Variants in RHBDD1 observed in about 807,000 individuals in gnomAD.
RHBDD1 encodes rhomboid domain containing 1.
Under a neutral mutation model 36.3 loss-of-function variants are expected in RHBDD1, and 38 were observed. That is an observed-to-expected ratio of 1.05 (90% CI 0.81 to 1.37). RHBDD1 has a LOEUF of 1.37. RHBDD1 is among the 40% of genes most tolerant of loss of function. The pLI, the probability that RHBDD1 is intolerant of heterozygous loss-of-function variation, is 0.00. For missense variants in RHBDD1, 393 were observed against 377.6 expected, an observed-to-expected ratio of 1.04 and a Z score of -0.34; for synonymous variants, 151 against 136.5, an observed-to-expected ratio of 1.11 and a Z score of -0.74.
intron 3 of RHBDD1, among the ~76,000 whole-genome samples, chr2:226,854,520 G>C (rs1943129908): frequency 6.6e-6 from 1 of 151,632 alleles, no homozygotes. Context: ...CTTAAACCTG[G>C]GAGGCGGAGG....
At chr2:226,866,805 T>A (rs1277077652) in intron 4 of RHBDD1, among the ~76,000 whole-genome samples, 6 of 152,342 alleles carry the variant, frequency 3.9e-5, no homozygotes, top group African/African-American at 1.2e-4. Context: ...GTCTTCAACA[T>A]GTTTTTCCAT....
At chr2:226,810,728 G>A in the RHBDD1 span, among the ~76,000 whole-genome samples, 3 of 151,936 alleles carry the variant, frequency 2.0e-5, no homozygotes, top group Non-Finnish European at 2.9e-5. Flanking sequence ...GGAGGCAGAG[G>A]CATAAGAAAA....
chr2:226,890,664 T>C (rs1470047186), intron 5 of RHBDD1, among the ~76,000 whole-genome samples: 1 of 152,232 alleles, frequency 6.6e-6, no homozygotes. Flanking sequence ...TTGTGTTACA[T>C]ACATTCCAAT....
intron 4 of RHBDD1, 107 bp downstream of exon 4, chr2:226,865,233 G>T: frequency 1.2e-6 from 1 of 850,646 alleles, no homozygotes; most frequent in Non-Finnish European, 1.9e-6. Flanking sequence ...AGTGGTTAAG[G>T]GCTGCTGAGG....
chr2:226,925,131 A>C (rs1027870674), intron 8 of RHBDD1, among the ~76,000 whole-genome samples: 2 of 152,228 alleles, frequency 1.3e-5, no homozygotes, highest in African/African-American at 4.8e-5. Flanking sequence ...AGACATTTCT[A>C]TATGCTGCTG....
chr2:226,896,527 A>G (rs1455906760), intron 5 of RHBDD1, among the ~76,000 whole-genome samples: 2 of 152,148 alleles, frequency 1.3e-5, no homozygotes, highest in African/African-American at 4.8e-5. Context: ...CCAAGCTGCC[A>G]TCATCTTTTA....
chr2:226,924,115 G>A (rs1949512984), intron 8 of RHBDD1, among the ~76,000 whole-genome samples: 1 of 152,140 alleles, frequency 6.6e-6, no homozygotes, highest in African/African-American at 2.4e-5. Flanking sequence ...ATGTGCTTGG[G>A]TCAAACCTGA....
chr2:226,823,913 A>G, the RHBDD1 span, among the ~76,000 whole-genome samples: 9 of 152,088 alleles, frequency 5.9e-5, no homozygotes, highest in East Asian at 3.9e-4. Flanking sequence ...CACAATAACC[A>G]CACTAATGTA....
chr2:226,953,982 G>A (rs773200031), intron 8 of RHBDD1, among the ~76,000 whole-genome samples: 31 of 152,268 alleles, frequency 2.0e-4, no homozygotes, highest in South Asian at 1.7e-3. Context: ...TCCTCCTCCT[G>A]CCATGGCTTC....
chr2:226,846,740 G>T (rs542878124), intron 3 of RHBDD1, among the ~76,000 whole-genome samples: 114 of 127,988 alleles, frequency 8.9e-4, no homozygotes, highest in African/African-American at 3.5e-3. Context: ...AGATTGAAAT[G>T]CCATCTCAAA....
intron 8 of RHBDD1, among the ~76,000 whole-genome samples, chr2:226,952,592 C>T (rs1951503475): frequency 2.0e-5 from 3 of 152,308 alleles, no homozygotes; most frequent in South Asian, 2.1e-4. Context: ...CCCGGCCTGA[C>T]TTCTTTTTTC....
At chr2:226,945,712 A>G (rs2149185482) in intron 8 of RHBDD1, among the ~76,000 whole-genome samples, 1 of 152,264 alleles carries the variant, frequency 6.6e-6, no homozygotes, top group Middle Eastern at 3.4e-3. Context: ...TTCTGGTTCT[A>G]GATCCTTGAG....
At chr2:226,949,081 G>A (rs1343989795) in intron 8 of RHBDD1, among the ~76,000 whole-genome samples, 2 of 152,094 alleles carry the variant, frequency 1.3e-5, no homozygotes, top group Non-Finnish European at 2.9e-5. Flanking sequence ...GGGATGTGAA[G>A]GACCTCTTCA....
In RHBDD1 at chr2:226,966,176, CTAAA is replaced by C. The variant is rs1045670743; in HGVS notation, c.857-29248_857-29245del. Among the ~76,000 whole-genome samples the C allele has an allele frequency of 1.4e-4, 21 of 152,108 alleles. No individual in the cohort carries two copies. In the South Asian group the frequency reaches 1.5e-3, roughly 11 times the overall value. On this transcript the variant is annotated intron_variant, in intron 8 of 8. Coordinates refer to ENST00000392062, the MANE Select transcript of RHBDD1 (RefSeq NM_001167608.3). The stretch of plus-strand genomic sequence containing the variant: ...TTTGGGTGAGTAGTTAACTACTCTC[CTAAA>C]TAAATAGATCCTTGATGCTACTCAT...
intron 7 of RHBDD1, among the ~76,000 whole-genome samples, chr2:226,910,697 C>T (rs956065061): frequency 2.0e-5 from 3 of 151,894 alleles, no homozygotes; most frequent in Non-Finnish European, 4.4e-5. Context: ...TAGTATTCCT[C>T]TCAGGACATA....
intron 8 of RHBDD1, among the ~76,000 whole-genome samples, chr2:226,922,433 T>C (rs2125780532): frequency 1.3e-5 from 2 of 152,096 alleles, no homozygotes; most frequent in Middle Eastern, 6.8e-3. Context: ...GGTCTCGATC[T>C]CCTGACCTTG....
chr2:226,867,146 T>C (rs1944409151), intron 4 of RHBDD1, 40 bp from the exon 5 acceptor site: 2 of 1,552,978 alleles, frequency 1.3e-6, no homozygotes, highest in African/African-American at 2.8e-5. Flanking sequence ...ACTCCTACTT[T>C]TGGATTGTTG....
chr2:226,944,968 G>C (rs1364708423), intron 8 of RHBDD1, among the ~76,000 whole-genome samples: 1 of 152,066 alleles, frequency 6.6e-6, no homozygotes, highest in Non-Finnish European at 1.5e-5. Flanking sequence ...GAGACAGTCT[G>C]TTGGAGGAAC....
At chr2:226,902,466 C>T (rs1216171338) in intron 5 of RHBDD1, among the ~76,000 whole-genome samples, 2 of 152,198 alleles carry the variant, frequency 1.3e-5, no homozygotes, top group Non-Finnish European at 2.9e-5. Context: ...CATCTATCTT[C>T]TCGCTCAGGA....
Sources: allele counts gnomAD v4.1 joint callset (sites outside exome capture counted in the v4.1 genomes callset), GRCh38; gene constraint gnomAD v4.1.1; transcripts MANE v1.5; gene names NCBI Gene and HGNC (gene_info 2026-07-23, HGNC 2026-07-21).